Variants in LMBRD1 observed in about 807,000 individuals in gnomAD.
LMBRD1 encodes the protein lysosomal cobalamin transport escort protein LMBD1.
LMBRD1 carries 64 observed loss-of-function variants against 74.8 expected under a neutral mutation model. The ratio of observed to expected loss-of-function variants is 0.86; its 90% CI spans 0.70 to 1.05. The LOEUF (loss-of-function observed/expected upper bound fraction) is 1.05. Among genes scored for constraint, LMBRD1 ranks in the 50% least tolerant of loss-of-function variants. LMBRD1 has a pLI of 0.00. For missense variants in LMBRD1, 652 were observed against 645.9 expected, an observed-to-expected ratio of 1.01 and a Z score of -0.10; for synonymous variants, 204 against 216.3, an observed-to-expected ratio of 0.94 and a Z score of 0.50.
chr6:69,772,021 TC>T (rs1765587297), intron 3 of LMBRD1, among the ~76,000 whole-genome samples: 1 of 152,204 alleles, frequency 6.6e-6, no homozygotes, highest in African/African-American at 2.4e-5. Context: ...AGAAACTCTA[TC>T]CTTCTTGTTG....
intron 3 of LMBRD1, among the ~76,000 whole-genome samples, chr6:69,779,355 T>A (rs878872300): frequency 6.6e-6 from 1 of 152,180 alleles, no homozygotes; most frequent in Non-Finnish European, 1.5e-5. Context: ...ACACTTTTTT[T>A]TATAAAACAC....
chr6:69,705,902 T>C (rs1766243485), intron 9 of LMBRD1: 15 of 1,309,408 alleles, frequency 1.1e-5, no homozygotes, highest in South Asian at 2.3e-5. Flanking sequence ...CTAAGGAAAA[T>C]TGTTGGCTGT....
At position 69,775,020 on chromosome 6, in the gene LMBRD1, AGGGAGGGAGGGAG is replaced by A. The variant is rs1562121870; in HGVS notation, c.307+5461_307+5473del. On this transcript the variant is annotated intron_variant, in intron 3 of 15. Coordinates refer to ENST00000649934, the MANE Select transcript of LMBRD1 (RefSeq NM_018368.4). The stretch of plus-strand genomic sequence containing the variant: ...GAGGGAGGGAGGGAGGGAGGGAGGG[AGGGAGGGAGGGAG>A]GGAAGGAAGGAAAAGATGAAGAACT... Among the ~76,000 whole-genome samples, 15 of 95,322 alleles carry A rather than the reference AGGGAGGGAGGGAG, an allele frequency of 1.6e-4. 3 individuals carry two copies. The highest frequency in any genetic ancestry group is 6.2e-4 in the East Asian group (2 of 3,238). 62.5% of individuals were successfully genotyped at this position (95,322 alleles called of 152,430 possible).
intron 7 of LMBRD1, 21 bp downstream of exon 7, chr6:69,737,921 A>C: frequency 6.4e-7 from 1 of 1,562,744 alleles, no homozygotes; most frequent in Non-Finnish European, 8.8e-7. Flanking sequence ...ATTTTAACTC[A>C]ATTATCCCCA....
chr6:69,719,116 A>G, intron 7 of LMBRD1, 35 bp from the exon 8 acceptor site: 1 of 1,596,794 alleles, frequency 6.3e-7, no homozygotes. Flanking sequence ...TTTAGAAATA[A>G]TGTTTCAAAC....
intron 1 of LMBRD1, among the ~76,000 whole-genome samples, chr6:69,794,814 G>A (rs1420210909): frequency 2.0e-5 from 3 of 152,176 alleles, no homozygotes; most frequent in Non-Finnish European, 4.4e-5. Flanking sequence ...GCATAACTCA[G>A]TAAACCAACA....
chr6:69,710,873 T>C (rs1207932929), intron 9 of LMBRD1, among the ~76,000 whole-genome samples: 1 of 152,080 alleles, frequency 6.6e-6, no homozygotes, highest in Non-Finnish European at 1.5e-5. Flanking sequence ...TGCAAAACGG[T>C]TGTAACCCTT....
intron 8 of LMBRD1, among the ~76,000 whole-genome samples, chr6:69,714,631 T>C (rs955551699): frequency 3.9e-5 from 6 of 152,204 alleles, no homozygotes; most frequent in African/African-American, 1.4e-4. Flanking sequence ...AGAATGTCTT[T>C]AATATTCCTA....
intron 2 of LMBRD1, among the ~76,000 whole-genome samples, chr6:69,786,554 C>A (rs889919865): frequency 2.6e-5 from 4 of 151,118 alleles, no homozygotes; most frequent in Non-Finnish European, 4.4e-5. Context: ...GGCCAACTAT[C>A]AAAGACTGTT....
At chr6:69,757,575 G>T (rs376304528) in intron 3 of LMBRD1, among the ~76,000 whole-genome samples, 8 of 152,246 alleles carry the variant, frequency 5.3e-5, no homozygotes, top group African/African-American at 1.7e-4. Flanking sequence ...TGTAAAGAGA[G>T]AATTAAATGA....
At chr6:69,762,550 A>G (rs1765394072) in intron 3 of LMBRD1, among the ~76,000 whole-genome samples, 1 of 152,092 alleles carries the variant, frequency 6.6e-6, no homozygotes, top group African/African-American at 2.4e-5. Context: ...TAGTTTCTCT[A>G]TATACATGGC....
At chr6:69,793,044 A>G (rs1015789939) in intron 1 of LMBRD1, among the ~76,000 whole-genome samples, 2 of 152,260 alleles carry the variant, frequency 1.3e-5, no homozygotes, top group African/African-American at 2.4e-5. Context: ...TACTTCTTTC[A>G]TAACAAGTTA....
chr6:69,718,375 C>A lies in LMBRD1; in HGVS notation c.762+581G>T, dbSNP rs142905573. On this transcript the variant is annotated intron_variant, in intron 8 of 15. Transcript: ENST00000649934. Reference sequence around the variant, plus strand: ...AACTTCTGTTTTTTAAGTGTTAGAACAATGATAGAAATTCTCAAATTGCTA... The same window carrying A: ...AACTTCTGTTTTTTAAGTGTTAGAAAAATGATAGAAATTCTCAAATTGCTA... 3.5e-3 allele frequency among the ~76,000 whole-genome samples: 530 copies of A among 152,184 alleles called. 1 individual carries two copies. The highest frequency in any genetic ancestry group is 0.012 in the African/African-American group (512 of 41,540).
Position 69,697,659 on chromosome 6 carries a change from A to G in LMBRD1, c.1339-18T>C. The G allele has an allele frequency of 7.0e-7, 1 of 1,435,340 alleles. No individual in the cohort carries two copies. Among genetic ancestry groups the G allele is most frequent in the Non-Finnish European group, 9.8e-7 (1 of 1,020,204 alleles). 88.9% of individuals were successfully genotyped at this position (1,435,340 alleles called of 1,614,324 possible). A position where few individuals can be genotyped will look rare whatever the true frequency, so the allele number is the denominator to read the frequency against. ...ATATTAGTCTGAAAGATAAAAATACAGTTAAAATATAAAAACCGCATTAAT... is the reference window on the plus strand; with the variant it reads ...ATATTAGTCTGAAAGATAAAAATACGGTTAAAATATAAAAACCGCATTAAT... On this transcript the variant is annotated intron_variant, in intron 13 of 15. Transcript: ENST00000649934.
At position 69,770,630 on chromosome 6, in the gene LMBRD1, A is replaced by T. The variant is rs1230970441; in HGVS notation, c.307+9864T>A. On this transcript the variant is annotated intron_variant, in intron 3 of 15. Transcript: ENST00000649934. The stretch of plus-strand genomic sequence containing the variant: ...AGTTTCCCTAAATTACATAGAAAAT[A>T]AAAAATTCATGAATTTCACAAATAT... Among the ~76,000 whole-genome samples the T allele has an allele frequency of 2.0e-5, 3 of 152,218 alleles. No individual in the cohort carries two copies. The East Asian group carries it at 5.8e-4, about 29-fold the overall frequency.
chr6:69,734,463 T>G (rs931777430), intron 7 of LMBRD1, among the ~76,000 whole-genome samples: 19 of 151,610 alleles, frequency 1.3e-4, no homozygotes, highest in African/African-American at 4.1e-4. Flanking sequence ...TGGCGCAATC[T>G]CGGCTCACTG....
intron 3 of LMBRD1, among the ~76,000 whole-genome samples, chr6:69,764,361 T>C (rs770455387): frequency 4.6e-5 from 7 of 151,998 alleles, no homozygotes; most frequent in African/African-American, 1.7e-4. Flanking sequence ...CTCTATGCCA[T>C]GTGAGGACAC....
chr6:69,704,908 T>TTTTTG (rs1554232083), intron 9 of LMBRD1, among the ~76,000 whole-genome samples: 1 of 28,418 alleles, frequency 3.5e-5, no homozygotes, highest in Non-Finnish European at 6.2e-5. Context: ...TGGACATTTG[T>TTTTTG]TTTTTTTTTT....
intron 3 of LMBRD1, among the ~76,000 whole-genome samples, chr6:69,756,317 C>T (rs569690368): frequency 3.3e-5 from 5 of 149,648 alleles, no homozygotes; most frequent in African/African-American, 1.0e-4. Flanking sequence ...AAGCCCAATT[C>T]GCGCCACTGC....
Sources: gnomAD v4.1 joint callset for allele counts (sites outside exome capture counted in the v4.1 genomes callset) on GRCh38, gnomAD v4.1.1 for gene constraint, MANE v1.5 for transcripts, NCBI Gene and HGNC (gene_info 2026-07-23, HGNC 2026-07-21) for gene names.